The following PARD3B variants were observed in gnomAD, a reference collection of about 807,000 sequenced individuals.
PARD3B encodes the protein partitioning defective 3 homolog B.
In PARD3B, 103 loss-of-function variants were observed where a neutral mutation model predicts 130.2. The observed-to-expected ratio is 0.79, with a 90% CI of 0.67 to 0.93. The LOEUF is 0.93. Ranked by LOEUF, PARD3B falls within the 40% of genes least tolerant of loss-of-function variation. The pLI is 0.00. For missense variants in PARD3B, 1,609 were observed against 1,499.2 expected, an observed-to-expected ratio of 1.07 and a Z score of -1.21; for synonymous variants, 583 against 553.2, an observed-to-expected ratio of 1.05 and a Z score of -0.76.
chr2:205,110,637 T>G (rs1214763948), intron 5 of PARD3B, among the ~76,000 whole-genome samples: 11 of 125,708 alleles, frequency 8.8e-5, no homozygotes, highest in South Asian at 5.2e-4. Flanking sequence ...GTTTTTTGTT[T>G]TTTGTTTTTT....
chr2:204,742,303 T>TG (rs1445867016), intron 2 of PARD3B, among the ~76,000 whole-genome samples: 4 of 152,170 alleles, frequency 2.6e-5, no homozygotes, highest in Non-Finnish European at 5.9e-5. Flanking sequence ...AATTTAAAAA[T>TG]GGGGAATGCA....
intron 3 of PARD3B, among the ~76,000 whole-genome samples, chr2:205,009,295 T>C (rs757337450): frequency 1.2e-4 from 19 of 152,178 alleles, no homozygotes; most frequent in Non-Finnish European, 2.1e-4. Context: ...TTAATTGATA[T>C]TGAGTCTTAG....
At chr2:204,609,113 G>A (rs2033833873) in intron 1 of PARD3B, among the ~76,000 whole-genome samples, 1 of 152,166 alleles carries the variant, frequency 6.6e-6, no homozygotes, top group African/African-American at 2.4e-5. Flanking sequence ...TATTCTCCAG[G>A]AGGCAGGATT....
intron 18 of PARD3B, among the ~76,000 whole-genome samples, chr2:205,354,497 T>A (rs78321394): frequency 1.3e-5 from 2 of 151,322 alleles, no homozygotes; most frequent in Non-Finnish European, 3.0e-5. Context: ...AAAAAAAATC[T>A]TTTTAGAGCT....
chr2:205,229,452 C>A lies in PARD3B; in HGVS notation c.2141-16326C>A, dbSNP rs1251819927. Among the ~76,000 whole-genome samples the A allele has an allele frequency of 6.6e-6, 1 of 152,178 alleles. No individual in the cohort carries two copies. The highest frequency in any genetic ancestry group is 1.5e-5 in the Non-Finnish European group (1 of 68,030). The stretch of plus-strand genomic sequence containing the variant: ...TGGATAAGATCTGGGAGAATTAATT[C>A]CCTGAAATTACCAGGTAGTGACTCT... On this transcript the variant is annotated intron_variant, in intron 15 of 22. Coordinates refer to ENST00000406610, the MANE Select transcript of PARD3B (RefSeq NM_001302769.2). The surrounding 1 kb of genome is among the most constrained non-coding windows in gnomAD (Gnocchi z 5.2).
In PARD3B at chr2:204,915,044, GGGA is replaced by G. The variant is rs368044338; in HGVS notation, c.223-50101_223-50099del. ...TTTAGGACTTCCTGGTGGATCGGCG[GGGA>G]GGAGGACAGAGAAAATTGTTCCGCT... On this transcript the variant is annotated intron_variant, in intron 2 of 22. Coordinates refer to ENST00000406610, the MANE Select transcript of PARD3B (RefSeq NM_001302769.2). Among the ~76,000 whole-genome samples the G allele has an allele frequency of 3.9e-3, 593 of 152,258 alleles. 8 individuals are homozygous for G. Among genetic ancestry groups the G allele is most frequent in the East Asian group, 9.3e-3 (48 of 5,184 alleles).
chr2:205,306,736 A>G (rs1368489293), intron 18 of PARD3B, among the ~76,000 whole-genome samples: 2 of 152,194 alleles, frequency 1.3e-5, no homozygotes, highest in African/African-American at 2.4e-5. Flanking sequence ...TAAAAATAGC[A>G]ACTGTTTTCC....
At chr2:205,297,788 C>T (rs2041849513) in intron 16 of PARD3B, among the ~76,000 whole-genome samples, 1 of 152,170 alleles carries the variant, frequency 6.6e-6, no homozygotes, top group African/African-American at 2.4e-5. Flanking sequence ...AAGGACTCAA[C>T]CACCCTTTTT....
At chr2:205,139,047 C>G (rs1029002365) in intron 10 of PARD3B, among the ~76,000 whole-genome samples, 4 of 152,054 alleles carry the variant, frequency 2.6e-5, no homozygotes, top group South Asian at 2.1e-4. Flanking sequence ...GTGTATTCTC[C>G]CATAGAACAT....
At chr2:204,626,609 C>T (rs1436772080) in intron 1 of PARD3B, among the ~76,000 whole-genome samples, 1 of 151,844 alleles carries the variant, frequency 6.6e-6, no homozygotes, top group East Asian at 1.9e-4. Context: ...ATATGAAGCT[C>T]TGAAACAAAA....
intron 1 of PARD3B, among the ~76,000 whole-genome samples, chr2:204,624,578 G>A (rs541708422): frequency 6.6e-6 from 1 of 152,248 alleles, no homozygotes; most frequent in South Asian, 2.1e-4. Flanking sequence ...TCTAATTGTT[G>A]AGTAGTGTTC....
chr2:205,070,613 T>C (rs1700665204), intron 4 of PARD3B, among the ~76,000 whole-genome samples: 1 of 152,162 alleles, frequency 6.6e-6, no homozygotes. Context: ...TCATAGGTGA[T>C]ATATAGCAAT....
chr2:204,684,252 T>C (rs1003303200), intron 1 of PARD3B, among the ~76,000 whole-genome samples: 6 of 152,186 alleles, frequency 3.9e-5, no homozygotes, highest in Admixed American at 6.6e-5. Flanking sequence ...AACTGATAGA[T>C]GCCTGCTTTT....
chr2:205,076,213 T>G (rs866114780), intron 4 of PARD3B, among the ~76,000 whole-genome samples: 14 of 152,214 alleles, frequency 9.2e-5, no homozygotes, highest in African/African-American at 3.4e-4. Flanking sequence ...GTAATTCTTA[T>G]ATAACTAGAT....
At chr2:205,487,081 G>A (rs1394491250) in intron 20 of PARD3B, among the ~76,000 whole-genome samples, 1 of 152,048 alleles carries the variant, frequency 6.6e-6, no homozygotes, top group Non-Finnish European at 1.5e-5. Flanking sequence ...ATTAAGATTG[G>A]CCTCATGGTC....
chr2:204,662,477 TA>T (rs1227597650), intron 1 of PARD3B, among the ~76,000 whole-genome samples: 1 of 152,042 alleles, frequency 6.6e-6, no homozygotes. Flanking sequence ...TTCATTCAAA[TA>T]AAAAAATGGT....
intron 21 of PARD3B, among the ~76,000 whole-genome samples, chr2:205,533,298 C>G (rs1288542048): frequency 6.6e-6 from 1 of 152,138 alleles, no homozygotes; most frequent in East Asian, 1.9e-4. Flanking sequence ...AGGAGGAACA[C>G]CCCAGTGCCC....
chr2:205,451,816 A>T (rs2106197778), intron 20 of PARD3B, among the ~76,000 whole-genome samples: 1 of 152,200 alleles, frequency 6.6e-6, no homozygotes, highest in Non-Finnish European at 1.5e-5. Context: ...TTTGTGTTGC[A>T]AACAATCCAA....
intron 2 of PARD3B, among the ~76,000 whole-genome samples, chr2:204,778,077 G>A (rs1317193979): frequency 4.1e-5 from 6 of 144,590 alleles, no homozygotes; most frequent in African/African-American, 1.6e-4. Context: ...AACTTCCTTT[G>A]TTTATAAATT....
Sources: allele counts gnomAD v4.1 joint callset (sites outside exome capture counted in the v4.1 genomes callset), GRCh38; gene constraint gnomAD v4.1.1; non-coding constraint Gnocchi (gnomAD v3.1); transcripts MANE v1.5; gene names NCBI Gene and HGNC (gene_info 2026-07-23, HGNC 2026-07-21).